The following IKBKB variants were observed in gnomAD, a reference collection of about 807,000 sequenced individuals.
The protein encoded by IKBKB is inhibitor of nuclear factor kappa B kinase subunit beta.
A neutral mutation model predicts 113.6 loss-of-function variants in IKBKB; 42 were observed. That is an observed-to-expected ratio of 0.37 (90% CI 0.29 to 0.48). The LOEUF is 0.48. Ranked by LOEUF, IKBKB falls within the 20% of genes least tolerant of loss-of-function variation. The pLI is 0.99. For missense variants in IKBKB, 673 were observed against 939.7 expected, an observed-to-expected ratio of 0.72 and a Z score of 3.71; for synonymous variants, 296 against 361.3, an observed-to-expected ratio of 0.82 and a Z score of 2.05.
At chr8:42,319,024 C>T (rs911003697) in intron 13 of IKBKB, among the ~76,000 whole-genome samples, 1 of 152,116 alleles carries the variant, frequency 6.6e-6, no homozygotes, top group Non-Finnish European at 1.5e-5. Flanking sequence ...CATTGTGACT[C>T]GTTTGCCAAC....
chr8:42,328,268 T>C (rs866755444), intron 20 of IKBKB, among the ~76,000 whole-genome samples: 2 of 147,538 alleles, frequency 1.4e-5, no homozygotes, highest in Admixed American at 1.3e-4. Flanking sequence ...TTTTTTTTTT[T>C]AAATAAAAAT....
At chr8:42,282,699 T>G (rs567114017) in intron 2 of IKBKB, among the ~76,000 whole-genome samples, 8 of 152,360 alleles carry the variant, frequency 5.3e-5, no homozygotes, top group African/African-American at 1.9e-4. Context: ...ACAAACTCCC[T>G]GGGGTTTCAG....
At chr8:42,276,358 T>C (rs1809095900) in intron 2 of IKBKB, among the ~76,000 whole-genome samples, 1 of 152,232 alleles carries the variant, frequency 6.6e-6, no homozygotes, top group Non-Finnish European at 1.5e-5. Context: ...ATTGAACATT[T>C]TATCATATAC....
rs747818234 is a variant in IKBKB, at chr8:42,322,378, G to C, written c.1870G>C (p.Glu624Gln). The change falls in exon 19 of 22, where the codon GAA (glutamate) becomes CAA (glutamine). Residue 624 changes from glutamate to glutamine, a missense_variant. Glu to Gln is a conservative substitution (Grantham distance 29). This residue lies in a region of IKBKB where 506 missense variants were observed against 638.7 expected (regional missense o/e 0.79). Transcript: ENST00000520810. ...KTVVCKQKALELLPKVEEVVS... is the reference protein window; with the variant it reads ...KTVVCKQKALQLLPKVEEVVS... ...TGTGGTTTGCAAGCAGAAGGCGCTG[G>C]AACTGTTGCCCAAGGTGGAAGAGGT... is the stretch of plus-strand genomic sequence containing the variant. 1.2e-6 allele frequency: 2 copies of C among 1,613,872 alleles called. No individual in the cohort carries two copies. Among genetic ancestry groups the C allele is most frequent in the Non-Finnish European group, 1.7e-6 (2 of 1,180,008 alleles).
At chr8:42,321,296 G>A (rs41304208) in intron 16 of IKBKB, 1,663 of 161,170 alleles carry the variant, frequency 0.01, 14 homozygotes, top group Non-Finnish European at 0.018. Context: ...CATGAGGGGC[G>A]GAGGGGTCTA....
intron 8 of IKBKB, among the ~76,000 whole-genome samples, chr8:42,311,941 T>C (rs1456591738): frequency 2.0e-5 from 3 of 152,194 alleles, no homozygotes; most frequent in Non-Finnish European, 4.4e-5. Flanking sequence ...GGCTGGAGTG[T>C]AGTGGCGCGA....
intron 4 of IKBKB, among the ~76,000 whole-genome samples, chr8:42,291,855 C>T (rs1812716762): frequency 6.6e-6 from 1 of 152,088 alleles, no homozygotes; most frequent in Non-Finnish European, 1.5e-5. Context: ...TGGCTTAAGC[C>T]TGGGAGGTTG....
At chr8:42,289,371 T>C (rs1812093248) in intron 3 of IKBKB, among the ~76,000 whole-genome samples, 1 of 152,194 alleles carries the variant, frequency 6.6e-6, no homozygotes, top group South Asian at 2.1e-4. Flanking sequence ...TTCATTGTAT[T>C]AAATAAGTTA....
intron 20 of IKBKB, among the ~76,000 whole-genome samples, chr8:42,327,896 C>G (rs577921436): frequency 3.1e-5 from 1 of 32,682 alleles, no homozygotes; most frequent in African/African-American, 4.6e-5. Flanking sequence ...CTGCAAGCTC[C>G]GCTTCCCGGG....
intron 3 of IKBKB, among the ~76,000 whole-genome samples, chr8:42,288,948 G>C (rs1811998127): frequency 6.6e-6 from 1 of 151,726 alleles, no homozygotes; most frequent in South Asian, 2.1e-4. Flanking sequence ...CCGGGCATGG[G>C]TGGGCGCCTG....
rs1217887497 is a variant in IKBKB, at chr8:42,331,226, A to G, written c.*247A>G. 2 of 718,910 alleles carry G rather than the reference A, an allele frequency of 2.8e-6. No individual in the cohort carries two copies. Among genetic ancestry groups the G allele is most frequent in the South Asian group, 2.9e-5 (2 of 67,874 alleles). The allele number at this position is 718,910 out of a possible 1,614,324, so 44.5% of individuals were successfully genotyped here. On this transcript the variant is annotated 3_prime_UTR_variant, in exon 22 of 22. Transcript: ENST00000520810. ...ACCCAGGACGCAGCCCTCCGTGGGC[A>G]CTGCCGGCGCCTTGTCTGCACACTG...
rs760446821 is a variant in IKBKB, at chr8:42,306,327, C to T, written c.478-16C>T. 6.6e-7 allele frequency: 1 copy of T among 1,525,122 alleles called. No individual in the cohort carries two copies. The highest frequency in any genetic ancestry group is 9.1e-7 in the Non-Finnish European group (1 of 1,099,020). 94.5% of individuals were successfully genotyped at this position (1,525,122 alleles called of 1,614,324 possible). On this transcript the variant is annotated splice_polypyrimidine_tract_variant and intron_variant, in intron 6 of 21. Coordinates refer to ENST00000520810, the MANE Select transcript of IKBKB (RefSeq NM_001556.3). ...TGTTCTTATAACCCTCAGCTTTCTC[C>T]TTCCTTTTGTTTTAGTTAATACACA...
intron 2 of IKBKB, among the ~76,000 whole-genome samples, chr8:42,281,800 C>T (rs2130171858): frequency 6.6e-6 from 1 of 152,298 alleles, no homozygotes; most frequent in East Asian, 1.9e-4. Context: ...CCCCCATGTC[C>T]ACAGTGGCCT....
At chr8:42,313,112 A>G (rs761699607) in intron 8 of IKBKB, among the ~76,000 whole-genome samples, 21 of 152,188 alleles carry the variant, frequency 1.4e-4, no homozygotes, top group African/African-American at 4.6e-4. Context: ...GTATTATTCA[A>G]ATTTACTCTT....
intron 2 of IKBKB, among the ~76,000 whole-genome samples, chr8:42,273,492 C>T (rs77896899): frequency 0.04 from 6,022 of 151,578 alleles, 135 homozygotes; most frequent in African/African-American, 0.054. Flanking sequence ...CGATACTGCA[C>T]GGCAAAAAAT....
intron 7 of IKBKB, 108 bp from the exon 8 acceptor site, chr8:42,308,793 G>T: frequency 9.8e-7 from 1 of 1,025,566 alleles, no homozygotes; most frequent in Non-Finnish European, 1.5e-6. Context: ...ATGTGCCAGT[G>T]CCCTCTAGGA....
At position 42,319,395 on chromosome 8, in the gene IKBKB, A is replaced by T; in HGVS notation, c.1490A>T (p.Tyr497Phe). The change falls in exon 14 of 22, where the codon TAC (tyrosine) becomes TTC (phenylalanine). Residue 497 changes from tyrosine to phenylalanine, a missense_variant. Tyr to Phe is a conservative substitution (Grantham distance 22). Transcript: ENST00000520810. ...KTSIQIDLEK[Y>F]SEQTEFGITS... is the part of the protein sequence containing the mutation. ...AGCATCCAGATTGACCTGGAGAAGT[A>T]CAGCGAGCAAACCGAGTTTGGGATC... The T allele has an allele frequency of 6.2e-7, 1 of 1,614,250 alleles. No individual in the cohort carries two copies.
intron 2 of IKBKB, among the ~76,000 whole-genome samples, chr8:42,274,106 C>T (rs181138160): frequency 6.6e-6 from 1 of 152,106 alleles, no homozygotes; most frequent in African/African-American, 2.4e-5. Flanking sequence ...TCTTGGCTCA[C>T]TGCAACCTCC....
At chr8:42,279,724 A>T (rs1222770554) in intron 2 of IKBKB, among the ~76,000 whole-genome samples, 1 of 151,928 alleles carries the variant, frequency 6.6e-6, no homozygotes, top group Non-Finnish European at 1.5e-5. Context: ...TGCTTTTTCC[A>T]TTGTGCCTGT....
Sources: gnomAD v4.1 joint callset for allele counts (sites outside exome capture counted in the v4.1 genomes callset) on GRCh38, gnomAD v4.1.1 for gene constraint, gnomAD v4.1.1 regional missense constraint, MANE v1.5 for transcripts, NCBI Gene and HGNC (gene_info 2026-07-23, HGNC 2026-07-21) for gene names.